ANK2: variants seen among roughly 807,000 people sequenced by gnomAD.
The protein encoded by ANK2 is ankyrin-2.
ANK2 carries 83 observed loss-of-function variants against 360.5 expected under a neutral mutation model. The ratio of observed to expected loss-of-function variants is 0.23; its 90% CI spans 0.19 to 0.28. The LOEUF is 0.28. Among genes scored for constraint, ANK2 ranks in the 10% least tolerant of loss-of-function variants. The probability of loss-of-function intolerance (pLI) is 1.00; values close to 1 mark genes in which losing one functional copy is unlikely to be tolerated. For synonymous variants in ANK2, 1,740 were observed against 1,759.5 expected, an observed-to-expected ratio of 0.99 and a Z score of 0.28; for missense variants, 4,201 against 4,795.7, an observed-to-expected ratio of 0.88 and a Z score of 3.66.
chr4:112,878,605 C>A (rs1294053016), intron 1 of ANK2, among the ~76,000 whole-genome samples: 2 of 152,128 alleles, frequency 1.3e-5, no homozygotes, highest in Admixed American at 6.5e-5. Flanking sequence ...GGATTACAGG[C>A]GTGAGCCACT....
the ANK2 span, among the ~76,000 whole-genome samples, chr4:112,731,071 G>A: frequency 5.9e-5 from 9 of 151,878 alleles, no homozygotes; most frequent in East Asian, 1.4e-3. Flanking sequence ...GAACCCAGGA[G>A]GTGGAGGTTG....
chr4:113,099,437 T>C (rs12644569), intron 1 of ANK2, among the ~76,000 whole-genome samples: 73,268 of 151,488 alleles, frequency 0.48, 18,687 homozygotes, highest in African/African-American at 0.63. Flanking sequence ...TAATAAGACA[T>C]GTATAAGATA....
chr4:113,381,278 G>C (rs1421436225), intron 45 of ANK2, among the ~76,000 whole-genome samples, 179 bp from the exon 46 acceptor site: 1 of 152,128 alleles, frequency 6.6e-6, no homozygotes, highest in Non-Finnish European at 1.5e-5. Flanking sequence ...TTGAGAGAGG[G>C]GAGCCATGTT....
intron 10 of ANK2, among the ~76,000 whole-genome samples, chr4:113,252,152 C>A (rs971107984): frequency 1.3e-5 from 2 of 152,108 alleles, no homozygotes; most frequent in African/African-American, 4.8e-5. Context: ...TGGTGGCAGA[C>A]AAGAGAAGAA....
chr4:113,377,479 A>T (rs923141427), intron 45 of ANK2, among the ~76,000 whole-genome samples: 27 of 152,190 alleles, frequency 1.8e-4, no homozygotes, highest in African/African-American at 6.0e-4. Flanking sequence ...GGGACAAAAA[A>T]ATCTAAATTT....
chr4:113,311,842 TA>T, intron 24 of ANK2, among the ~76,000 whole-genome samples: 1 of 152,168 alleles, frequency 6.6e-6, no homozygotes, highest in African/African-American at 2.4e-5. Context: ...GAGGCTGAAT[TA>T]AAAAGAAATA....
chr4:112,765,891 C>T, the ANK2 span, among the ~76,000 whole-genome samples: 1 of 152,230 alleles, frequency 6.6e-6, no homozygotes, highest in Non-Finnish European at 1.5e-5. Context: ...CCAGAGGCCA[C>T]ACTTGGAATC....
In ANK2 at chr4:112,834,206, C is replaced by A. The variant is rs1402772837; in HGVS notation, c.-40+15942C>A. 2.0e-5 allele frequency among the ~76,000 whole-genome samples: 3 copies of A among 152,198 alleles called. No individual in the cohort carries two copies. In the East Asian group the frequency reaches 5.8e-4, roughly 29 times the overall value. ...ATATATCAATATTTTGACATTCTTA[C>A]TATGTATTAGATGATATTAAAAATT... On this transcript the variant is annotated intron_variant, in intron 1 of 30. Coordinates refer to the ANK2 transcript ENST00000503271.
intron 1 of ANK2, among the ~76,000 whole-genome samples, chr4:113,152,978 T>C (rs1020441094): frequency 6.6e-6 from 1 of 152,222 alleles, no homozygotes; most frequent in Non-Finnish European, 1.5e-5. Flanking sequence ...TAATGAATTG[T>C]TTCTTAAAGC....
intron 20 of ANK2, among the ~76,000 whole-genome samples, chr4:113,290,166 T>TG (rs2066812606): frequency 6.8e-6 from 1 of 147,338 alleles, no homozygotes; most frequent in Non-Finnish European, 1.5e-5. Context: ...ATTTCAGTTT[T>TG]TTTTGTTTTT....
At chr4:112,910,699 C>T (rs1360510013) in intron 2 of ANK2, among the ~76,000 whole-genome samples, 1 of 152,124 alleles carries the variant, frequency 6.6e-6, no homozygotes, top group East Asian at 1.9e-4. Context: ...TGCTCAGTAC[C>T]ATCAGGCAAA....
At chr4:112,723,258 C>A in the ANK2 span, among the ~76,000 whole-genome samples, 1 of 152,160 alleles carries the variant, frequency 6.6e-6, no homozygotes, top group Non-Finnish European at 1.5e-5. Flanking sequence ...TTTTCAAGTT[C>A]TTTTCCTTGA....
intron 2 of ANK2, among the ~76,000 whole-genome samples, chr4:112,967,043 A>G (rs1386031954): frequency 6.6e-6 from 1 of 152,212 alleles, no homozygotes; most frequent in Non-Finnish European, 1.5e-5. Context: ...AGGAGAAAAT[A>G]TATTCTCTAT....
rs181054338 is a variant in ANK2, at chr4:112,952,062, C to T, written c.21+47548C>T. ...GAACTCAAATCTCTTTCAGCTTTAGCACTAAACCAAACCCTTCTTTATAGT... is the reference window on the plus strand; with the variant it reads ...GAACTCAAATCTCTTTCAGCTTTAGTACTAAACCAAACCCTTCTTTATAGT... On this transcript the variant is annotated intron_variant, in intron 2 of 30. Transcript: ENST00000503271. 4.2e-4 allele frequency among the ~76,000 whole-genome samples: 64 copies of T among 152,304 alleles called. No homozygotes were observed. The East Asian group carries it at 7.9e-3, about 19-fold the overall frequency.
intron 1 of ANK2, among the ~76,000 whole-genome samples, chr4:113,054,809 A>T (rs1307108420): frequency 6.6e-6 from 1 of 152,172 alleles, no homozygotes; most frequent in African/African-American, 2.4e-5. Context: ...AATACCTTAT[A>T]ACCTGGTATT....
At chr4:112,912,069 C>A (rs905397508) in intron 2 of ANK2, among the ~76,000 whole-genome samples, 1 of 150,568 alleles carries the variant, frequency 6.6e-6, no homozygotes, top group Non-Finnish European at 1.5e-5. Flanking sequence ...CCCAGCTACT[C>A]GGGAGGCTGA....
chr4:113,266,803 G>C (rs2056299155), intron 14 of ANK2, among the ~76,000 whole-genome samples: 1 of 152,160 alleles, frequency 6.6e-6, no homozygotes, highest in Non-Finnish European at 1.5e-5. Flanking sequence ...CTTGAACCCG[G>C]GAGGCGGAGG....
intron 29 of ANK2, among the ~76,000 whole-genome samples, chr4:113,333,710 C>T (rs935167141): frequency 2.6e-5 from 4 of 152,142 alleles, no homozygotes; most frequent in African/African-American, 9.7e-5. Flanking sequence ...AATTTTTAAA[C>T]TATTATTAAG....
chr4:113,288,232 C>G (rs1242525463), intron 19 of ANK2, among the ~76,000 whole-genome samples, 156 bp from the exon 20 acceptor site: 1 of 152,180 alleles, frequency 6.6e-6, no homozygotes, highest in Non-Finnish European at 1.5e-5. Flanking sequence ...TCCCTGTGGT[C>G]AGGGGCACAT....
Sources: gnomAD v4.1 joint callset for allele counts (sites outside exome capture counted in the v4.1 genomes callset) on GRCh38, gnomAD v4.1.1 for gene constraint, MANE v1.5 for transcripts, NCBI Gene and HGNC (gene_info 2026-07-23, HGNC 2026-07-21) for gene names.